KLHL29: variants seen among roughly 807,000 people sequenced by gnomAD.
The protein encoded by KLHL29 is kelch like family member 29, also known as kelch-like protein 29.
A neutral mutation model predicts 80.4 loss-of-function variants in KLHL29; 21 were observed. The ratio of observed to expected loss-of-function variants is 0.26; its 90% CI spans 0.19 to 0.38. The LOEUF (loss-of-function observed/expected upper bound fraction) is 0.38. Among genes scored for constraint, KLHL29 ranks in the 10% least tolerant of loss-of-function variants. The pLI, the probability that KLHL29 is intolerant of heterozygous loss-of-function variation, is 1.00. For missense variants in KLHL29, 867 were observed against 1,223.9 expected (o/e 0.71, Z 4.35); for synonymous variants, 511 against 526.8 (o/e 0.97, Z 0.41).
chr2:23,393,624 T>C (rs368318648), intron 1 of KLHL29, among the ~76,000 whole-genome samples: 3 of 152,222 alleles, frequency 2.0e-5, no homozygotes, highest in African/African-American at 7.2e-5. Context: ...CAACTTCTTC[T>C]GTTCTATTTT....
chr2:23,560,580 T>C (rs894032624), intron 2 of KLHL29, among the ~76,000 whole-genome samples: 1 of 152,222 alleles, frequency 6.6e-6, no homozygotes, highest in African/African-American at 2.4e-5. Flanking sequence ...GGATAGACTT[T>C]TTAAAAAGAA....
At chr2:23,476,162 A>G (rs2103438592) in intron 2 of KLHL29, among the ~76,000 whole-genome samples, 1 of 152,194 alleles carries the variant, frequency 6.6e-6, no homozygotes, top group South Asian at 2.1e-4. Flanking sequence ...GGCGTGAGCC[A>G]CCGTGCCCCA....
At chr2:23,645,243 AT>A (rs1669888165) in intron 5 of KLHL29, among the ~76,000 whole-genome samples, 1 of 152,226 alleles carries the variant, frequency 6.6e-6, no homozygotes, top group Non-Finnish European at 1.5e-5. Context: ...AGAAACCCGA[AT>A]TTTGAAACTA....
At chr2:23,661,256 T>C (rs1670398246) in intron 5 of KLHL29, among the ~76,000 whole-genome samples, 1 of 151,090 alleles carries the variant, frequency 6.6e-6, no homozygotes, top group South Asian at 2.1e-4. Context: ...GTGGAAGTAT[T>C]GCCTGAGCCG....
At chr2:23,607,109 A>G (rs752438559) in intron 3 of KLHL29, among the ~76,000 whole-genome samples, 6 of 152,208 alleles carry the variant, frequency 3.9e-5, no homozygotes, top group African/African-American at 7.2e-5. Flanking sequence ...TCCCCTTCTC[A>G]TACCATCACA....
At chr2:23,545,460 CT>C (rs1210968839) in intron 2 of KLHL29, among the ~76,000 whole-genome samples, 3 of 152,184 alleles carry the variant, frequency 2.0e-5, no homozygotes, top group Non-Finnish European at 2.9e-5. Flanking sequence ...CCCCTTTCTG[CT>C]GCCTGTTTGC....
chr2:23,493,259 A>G (rs946252880), intron 2 of KLHL29, among the ~76,000 whole-genome samples: 2 of 152,172 alleles, frequency 1.3e-5, no homozygotes, highest in Non-Finnish European at 2.9e-5. Flanking sequence ...TTGCTGTTTA[A>G]GAGGGATTTA....
At chr2:23,392,717 G>A (rs540184591) in intron 1 of KLHL29, among the ~76,000 whole-genome samples, 1 of 152,298 alleles carries the variant, frequency 6.6e-6, no homozygotes, top group African/African-American at 2.4e-5. Context: ...CTACCAGTCT[G>A]TCTGTGTTTT....
At position 23,634,293 on chromosome 2, in the gene KLHL29, G is replaced by A. The variant is rs79428734; in HGVS notation, c.286-4846G>A. On this transcript the variant is annotated intron_variant, in intron 3 of 13. Coordinates refer to ENST00000486442, the MANE Select transcript of KLHL29 (RefSeq NM_052920.2). ...GAGGGCTGTGGGTGCTGGCATCATC[G>A]TCCCTCCAGGAAAGGCCCATGTGCA... Among the ~76,000 whole-genome samples the A allele has an allele frequency of 3.8e-3, 582 of 152,282 alleles. 7 individuals are homozygous for A. The highest frequency in any genetic ancestry group is 0.013 in the African/African-American group (551 of 41,548).
intron 1 of KLHL29, among the ~76,000 whole-genome samples, chr2:23,418,874 C>T (rs1032933733): frequency 2.0e-5 from 3 of 152,176 alleles, no homozygotes; most frequent in Admixed American, 6.5e-5. Flanking sequence ...CTGATCCCCC[C>T]TTCCCTGCCC....
Position 23,680,640 on chromosome 2 carries a change from T to C in KLHL29, c.941-3759T>C, listed in dbSNP as rs565315453. Among the ~76,000 whole-genome samples the C allele has an allele frequency of 6.6e-6, 1 of 151,406 alleles. No homozygotes were observed. Among genetic ancestry groups the C allele is most frequent in the African/African-American group, 2.4e-5 (1 of 41,116 alleles). ...GTCATGGGCTCTCTAGGCCATCTTC[T>C]CCTGGGGTCTCTAGGCCATCTTCTC... On this transcript the variant is annotated intron_variant, in intron 5 of 13. Coordinates refer to ENST00000486442, the MANE Select transcript of KLHL29 (RefSeq NM_052920.2). This position sits in a 1 kb window ranked among gnomAD's most constrained non-coding sequence, Gnocchi z 4.1.
At chr2:23,603,139 G>A (rs1306358002) in intron 3 of KLHL29, among the ~76,000 whole-genome samples, 2 of 152,160 alleles carry the variant, frequency 1.3e-5, no homozygotes, top group African/African-American at 4.8e-5. Flanking sequence ...GCAAACAAGG[G>A]CTCAGGAAAG....
intron 3 of KLHL29, among the ~76,000 whole-genome samples, chr2:23,607,165 T>G (rs2103527437): frequency 6.6e-6 from 1 of 152,250 alleles, no homozygotes; most frequent in Non-Finnish European, 1.5e-5. Flanking sequence ...CACAAATATT[T>G]AAACCACAGC....
chr2:23,386,583 G>A (rs1558319216), intron 1 of KLHL29, among the ~76,000 whole-genome samples: 1 of 152,144 alleles, frequency 6.6e-6, no homozygotes, highest in Non-Finnish European at 1.5e-5. Context: ...ACCTGGAGAT[G>A]TGTAGTGTGG....
At chr2:23,645,050 G>A (rs1006330825) in intron 5 of KLHL29, among the ~76,000 whole-genome samples, 1 of 152,158 alleles carries the variant, frequency 6.6e-6, no homozygotes, top group African/African-American at 2.4e-5. Context: ...CCTTATATTT[G>A]CAGGGAAGAA....
chr2:23,497,319 G>C (rs1665297725), intron 2 of KLHL29, among the ~76,000 whole-genome samples: 1 of 152,090 alleles, frequency 6.6e-6, no homozygotes, highest in Non-Finnish European at 1.5e-5. Flanking sequence ...TCCTTCCTCT[G>C]TCCCTCCATG....
chr2:23,497,353 C>A (rs758279188), intron 2 of KLHL29, among the ~76,000 whole-genome samples: 4 of 152,132 alleles, frequency 2.6e-5, no homozygotes, highest in Non-Finnish European at 4.4e-5. Flanking sequence ...AGCAGGGAGC[C>A]GAGGGTTTCC....
intron 3 of KLHL29, among the ~76,000 whole-genome samples, chr2:23,594,137 A>T (rs1267195853): frequency 6.6e-6 from 1 of 152,174 alleles, no homozygotes; most frequent in Non-Finnish European, 1.5e-5. Flanking sequence ...GGAGTTGATT[A>T]TACAGCAGAG....
chr2:23,602,088 C>T (rs1204306383), intron 3 of KLHL29, among the ~76,000 whole-genome samples: 1 of 152,148 alleles, frequency 6.6e-6, no homozygotes, highest in Non-Finnish European at 1.5e-5. Context: ...GCAAGGGTCC[C>T]CCAGTGCATC....
Sources: gnomAD v4.1 joint callset for allele counts (sites outside exome capture counted in the v4.1 genomes callset) on GRCh38, gnomAD v4.1.1 for gene constraint, Gnocchi (gnomAD v3.1) non-coding constraint, MANE v1.5 for transcripts, NCBI Gene and HGNC (gene_info 2026-07-23, HGNC 2026-07-21) for gene names.